Variants in EBF4 observed in about 807,000 individuals in gnomAD.
EBF4 encodes transcription factor COE4.
EBF4 carries 34 observed loss-of-function variants against 67.1 expected under a neutral mutation model. The ratio of observed to expected loss-of-function variants is 0.51; its 90% confidence interval spans 0.39 to 0.67. The LOEUF is 0.67. Among genes scored for constraint, EBF4 ranks in the 30% least tolerant of loss-of-function variants. The pLI, the probability that EBF4 is intolerant of heterozygous loss-of-function variation, is 0.00. For synonymous variants in EBF4, 387 were observed against 377.7 expected, an observed-to-expected ratio of 1.02 and a Z score of -0.29; for missense variants, 837 against 873.3, an observed-to-expected ratio of 0.96 and a Z score of 0.52.
intron 1 of EBF4, among the ~76,000 whole-genome samples, chr20:2,697,457 A>G (rs1324825997): frequency 1.3e-5 from 2 of 151,948 alleles, no homozygotes; most frequent in African/African-American, 2.4e-5. Context: ...AGGCAGGAGA[A>G]TGGCGTGAAC....
intron 6 of EBF4, among the ~76,000 whole-genome samples, chr20:2,709,938 A>AG (rs1191165512): frequency 1.3e-5 from 2 of 152,148 alleles, no homozygotes; most frequent in Non-Finnish European, 2.9e-5. Flanking sequence ...GGGAGGAACC[A>AG]GCACTCAGGA....
At position 2,745,345 on chromosome 20, in the gene EBF4, C is replaced by A. The variant is rs1467631258; in HGVS notation, c.558-3204C>A. Among the ~76,000 whole-genome samples the A allele has an allele frequency of 6.6e-6, 1 of 152,130 alleles. No individual in the cohort carries two copies. The highest frequency in any genetic ancestry group is 1.5e-5 in the Non-Finnish European group (1 of 68,028). ...TATGTGCTAGCTCTGAGGACAGGCC[C>A]AAAGGGAAGGGAGAAGGGGACTGAC... On this transcript the variant is annotated intron_variant, in intron 6 of 16. Coordinates refer to ENST00000609451, the Ensembl canonical transcript of EBF4. The surrounding 1 kb of genome is among the most constrained non-coding windows in gnomAD (Gnocchi z 5.2).
At chr20:2,748,258 A>G (rs1347801114) in intron 6 of EBF4, among the ~76,000 whole-genome samples, 2 of 152,142 alleles carry the variant, frequency 1.3e-5, no homozygotes, top group African/African-American at 4.8e-5. Context: ...CATGGTGAAT[A>G]TATACTGTGT....
chr20:2,694,972 T>C (rs898413232), intron 1 of EBF4, among the ~76,000 whole-genome samples: 11 of 152,126 alleles, frequency 7.2e-5, no homozygotes, highest in African/African-American at 2.4e-4. Flanking sequence ...TCTAGAAAAA[T>C]TGGAAAATAA....
chr20:2,740,091 T>A (rs1406558756), intron 6 of EBF4, among the ~76,000 whole-genome samples: 1 of 152,224 alleles, frequency 6.6e-6, no homozygotes, highest in Non-Finnish European at 1.5e-5. Context: ...GGCGGGTGGA[T>A]CACCAGAGGT....
intron 1 of EBF4, among the ~76,000 whole-genome samples, chr20:2,698,234 G>T (rs979151746): frequency 3.3e-5 from 5 of 152,226 alleles, no homozygotes; most frequent in African/African-American, 1.2e-4. Context: ...AGCTGCTGGG[G>T]GCAGTGGGAA....
intron 6 of EBF4, among the ~76,000 whole-genome samples, chr20:2,721,504 G>T (rs1266370547): frequency 6.6e-6 from 1 of 151,916 alleles, no homozygotes; most frequent in African/African-American, 2.4e-5. Context: ...ACCCAGGCTG[G>T]AGTGCAGTGG....
intron 6 of EBF4, among the ~76,000 whole-genome samples, chr20:2,741,731 A>G (rs1351977250): frequency 1.3e-5 from 2 of 152,170 alleles, no homozygotes; most frequent in Non-Finnish European, 2.9e-5. Context: ...ATGCATAACT[A>G]CCATCCTTTA....
chr20:2,741,090 C>T (rs969047107), intron 6 of EBF4, among the ~76,000 whole-genome samples: 6 of 152,162 alleles, frequency 3.9e-5, no homozygotes, highest in Admixed American at 2.0e-4. Context: ...TCAGAAGGAT[C>T]GCCTGAGCCC....
intron 6 of EBF4, among the ~76,000 whole-genome samples, chr20:2,713,272 T>C (rs982127220): frequency 6.6e-6 from 1 of 152,104 alleles, no homozygotes; most frequent in Non-Finnish European, 1.5e-5. Context: ...GCTGGGAGCA[T>C]AGACAGTTCA....
Position 2,759,173 on chromosome 20 carries a change from A to T in EBF4, c.*6-95A>T, listed in dbSNP as rs899328368. On this transcript the variant is annotated intron_variant, in intron 16 of 16. Transcript: ENST00000609451. ...TCTGAGGTACTTGGCCCACCCCAGT[A>T]ACCCAAGCTGACCAGGTAGAGAGAA... The T allele has an allele frequency of 4.1e-5, 25 of 609,580 alleles. No homozygotes were observed. The East Asian group carries it at 6.4e-4, about 16-fold the overall frequency. 37.8% of individuals were successfully genotyped at this position (609,580 alleles called of 1,614,324 possible). A position where few individuals can be genotyped will look rare whatever the true frequency, so the allele number is the denominator to read the frequency against.
intron 6 of EBF4, among the ~76,000 whole-genome samples, chr20:2,715,290 C>T (rs2087593346): frequency 6.6e-6 from 1 of 152,116 alleles, no homozygotes; most frequent in Non-Finnish European, 1.5e-5. Context: ...GTTGCAGCAA[C>T]CTTCTGCAAT....
chr20:2,744,601 C>T (rs1254286020), intron 6 of EBF4, among the ~76,000 whole-genome samples: 2 of 147,318 alleles, frequency 1.4e-5, no homozygotes, highest in African/African-American at 5.1e-5. Context: ...AAGCAATTCT[C>T]GTGCCTCAGC....
In EBF4 at chr20:2,756,946, G is replaced by A. The variant is rs773508247; in HGVS notation, c.1738+1122G>A. On this transcript the variant is annotated intron_variant, in intron 15 of 16. Transcript: ENST00000609451. This position sits in a 1 kb window ranked among gnomAD's most constrained non-coding sequence, Gnocchi z 4.5. ...AGCACAAAAATGTATTTTTCTAACA[G>A]CATCTTGAGATTAGTTCCTGGGGAA... Among the ~76,000 whole-genome samples, 1 of 152,244 alleles carries A rather than the reference G, an allele frequency of 6.6e-6. No individual in the cohort carries two copies.
intron 5 of EBF4, 123 bp from the exon 6 acceptor site, chr20:2,709,451 A>G: frequency 1.2e-6 from 1 of 867,002 alleles, no homozygotes; most frequent in Non-Finnish European, 1.6e-6. Context: ...CAGCCCAGGG[A>G]TTCCACACCC....
chr20:2,695,429 G>A (rs1262660737), intron 1 of EBF4, among the ~76,000 whole-genome samples: 1 of 152,200 alleles, frequency 6.6e-6, no homozygotes, highest in Admixed American at 6.5e-5. Flanking sequence ...TAGTGGGGTT[G>A]AGTGGGCTTG....
chr20:2,733,663 A>G (rs1317768512), intron 6 of EBF4, among the ~76,000 whole-genome samples: 1 of 152,020 alleles, frequency 6.6e-6, no homozygotes, highest in Non-Finnish European at 1.5e-5. Context: ...ATATTCAAGT[A>G]TACTGATTTT....
At chr20:2,757,121 C>T (rs1044253297) in intron 15 of EBF4, among the ~76,000 whole-genome samples, 1 of 152,168 alleles carries the variant, frequency 6.6e-6, no homozygotes, top group South Asian at 2.1e-4. Flanking sequence ...GTGGGGCAGC[C>T]TCCAGGCTGA....
At chr20:2,718,640 T>C (rs534745368) in intron 6 of EBF4, among the ~76,000 whole-genome samples, 1 of 152,350 alleles carries the variant, frequency 6.6e-6, no homozygotes, top group East Asian at 1.9e-4. Context: ...CCTCTCTCAT[T>C]CCTGATACTG....
Sources: gnomAD v4.1 joint callset for allele counts (sites outside exome capture counted in the v4.1 genomes callset) on GRCh38, gnomAD v4.1.1 for gene constraint, Gnocchi (gnomAD v3.1) non-coding constraint, MANE v1.5 for transcripts, NCBI Gene and HGNC (gene_info 2026-07-23, HGNC 2026-07-21) for gene names.